The following TENM4 variants were observed in gnomAD, a reference collection of about 807,000 sequenced individuals.
TENM4 encodes the protein teneurin-4.
In TENM4, 82 loss-of-function variants were observed where a neutral mutation model predicts 243.3. That is an observed-to-expected ratio of 0.34 (90% CI 0.28 to 0.40). TENM4 has a LOEUF of 0.40. Among genes scored for constraint, TENM4 ranks in the 10% least tolerant of loss-of-function variants. TENM4 has a pLI of 1.00. For synonymous variants in TENM4, 1,412 were observed against 1,456.3 expected (o/e 0.97, Z 0.69); for missense variants, 3,138 against 3,673.3 (o/e 0.85, Z 3.77).
intron 6 of TENM4, among the ~76,000 whole-genome samples, chr11:78,975,404 C>T (rs1295009152): frequency 6.6e-6 from 1 of 152,070 alleles, no homozygotes; most frequent in African/African-American, 2.4e-5. Flanking sequence ...TTATCTCTGA[C>T]TGTCAAAATC....
intron 27 of TENM4, among the ~76,000 whole-genome samples, chr11:78,707,586 C>T (rs765734558): frequency 6.6e-6 from 1 of 152,272 alleles, no homozygotes; most frequent in Admixed American, 6.5e-5. Flanking sequence ...TCATTAACAT[C>T]TTTGTGCCTT....
At chr11:78,730,138 G>A (rs1304689371) in intron 21 of TENM4, among the ~76,000 whole-genome samples, 1 of 152,220 alleles carries the variant, frequency 6.6e-6, no homozygotes, top group Non-Finnish European at 1.5e-5. Context: ...GGCTTTGTGT[G>A]AGGACTGAGA....
intron 3 of TENM4, among the ~76,000 whole-genome samples, chr11:79,196,566 C>T (rs1304674412): frequency 6.6e-6 from 1 of 152,122 alleles, no homozygotes; most frequent in Non-Finnish European, 1.5e-5. Context: ...CAGCCCCCGG[C>T]TGGTGCTGTT....
chr11:78,956,675 C>T (rs150801441), intron 6 of TENM4, among the ~76,000 whole-genome samples: 1 of 152,266 alleles, frequency 6.6e-6, no homozygotes, highest in African/African-American at 2.4e-5. Flanking sequence ...TAAGAAGACA[C>T]AATTCAGGAT....
intron 1 of TENM4, among the ~76,000 whole-genome samples, chr11:79,353,376 CT>C (rs1439438416): frequency 2.0e-5 from 3 of 152,190 alleles, no homozygotes; most frequent in Non-Finnish European, 4.4e-5. Flanking sequence ...AGACTACATC[CT>C]GATGGTCAAG....
chr11:78,871,819 C>T (rs1859137288), intron 9 of TENM4, among the ~76,000 whole-genome samples: 1 of 151,904 alleles, frequency 6.6e-6, no homozygotes, highest in South Asian at 2.1e-4. Flanking sequence ...GTCATCTCTG[C>T]CCCCCCAGAA....
intron 6 of TENM4, among the ~76,000 whole-genome samples, chr11:78,950,871 C>T (rs1857095731): frequency 1.3e-5 from 2 of 152,348 alleles, no homozygotes; most frequent in South Asian, 2.1e-4. Context: ...AGCTCTTCTG[C>T]TCTAGAGCCT....
intron 6 of TENM4, among the ~76,000 whole-genome samples, chr11:79,057,886 C>A (rs1170759515): frequency 6.6e-6 from 1 of 152,192 alleles, no homozygotes; most frequent in African/African-American, 2.4e-5. Context: ...TAGAATGTCC[C>A]CTCTTACCCC....
At chr11:78,932,931 C>T (rs144296389) in intron 6 of TENM4, among the ~76,000 whole-genome samples, 2,082 of 152,268 alleles carry the variant, frequency 0.014, 28 homozygotes, top group Non-Finnish European at 0.021. Flanking sequence ...GGCCACGGTC[C>T]GGTACAGGTT....
chr11:78,776,684 A>G (rs1856746338), intron 17 of TENM4, among the ~76,000 whole-genome samples: 1 of 152,134 alleles, frequency 6.6e-6, no homozygotes, highest in African/African-American at 2.4e-5. Context: ...TCAGACCTTG[A>G]TTTTGCCAAG....
At chr11:79,137,738 C>T (rs936166902) in intron 4 of TENM4, among the ~76,000 whole-genome samples, 3 of 152,104 alleles carry the variant, frequency 2.0e-5, no homozygotes, top group Admixed American at 6.6e-5. Context: ...ATTAACTTCA[C>T]GTCAACATTT....
intron 4 of TENM4, among the ~76,000 whole-genome samples, chr11:79,129,637 C>T (rs1565215539): frequency 6.6e-6 from 1 of 152,066 alleles, no homozygotes; most frequent in Non-Finnish European, 1.5e-5. Flanking sequence ...TGACAACTTG[C>T]ATGGCTCAGC....
intron 6 of TENM4, among the ~76,000 whole-genome samples, chr11:79,055,078 G>A (rs1859907956): frequency 1.3e-5 from 2 of 148,516 alleles, no homozygotes; most frequent in Admixed American, 1.4e-4. Context: ...AGTGAGCCAA[G>A]ATCGCGCCAC....
chr11:78,713,559 C>T (rs1284181227), intron 25 of TENM4, among the ~76,000 whole-genome samples: 3 of 152,248 alleles, frequency 2.0e-5, no homozygotes, highest in East Asian at 1.9e-4. Flanking sequence ...AGTCTAGCTC[C>T]GTAATTTCCT....
chr11:79,291,469 A>C (rs1037132960), intron 2 of TENM4, among the ~76,000 whole-genome samples: 2 of 152,166 alleles, frequency 1.3e-5, no homozygotes, highest in Non-Finnish European at 2.9e-5. Flanking sequence ...CCAGCCAAAC[A>C]TCCACCCTAG....
intron 3 of TENM4, among the ~76,000 whole-genome samples, chr11:79,181,556 C>T (rs570374874): frequency 3.3e-4 from 50 of 151,954 alleles, no homozygotes; most frequent in Non-Finnish European, 5.3e-4. Flanking sequence ...TCCCTTCACA[C>T]CACTACTTTT....
chr11:78,962,890 AG>A (rs1456672371), intron 6 of TENM4, among the ~76,000 whole-genome samples: 1 of 152,264 alleles, frequency 6.6e-6, no homozygotes, highest in African/African-American at 2.4e-5. Flanking sequence ...GAATGATTCA[AG>A]GCTTCACCTT....
intron 6 of TENM4, among the ~76,000 whole-genome samples, chr11:78,986,603 C>T (rs1032206943): frequency 5.9e-5 from 9 of 152,156 alleles, no homozygotes; most frequent in African/African-American, 1.7e-4. Flanking sequence ...CTCGCTCTGT[C>T]GTCCGCCTAG....
At chr11:78,987,647 C>A (rs1182770925) in intron 6 of TENM4, among the ~76,000 whole-genome samples, 3 of 152,106 alleles carry the variant, frequency 2.0e-5, no homozygotes, top group African/African-American at 7.2e-5. Flanking sequence ...CCTTGAAATT[C>A]TTAAGGGAGG....
Sources: gnomAD v4.1 joint callset for allele counts (sites outside exome capture counted in the v4.1 genomes callset) on GRCh38, gnomAD v4.1.1 for gene constraint, MANE v1.5 for transcripts, NCBI Gene and HGNC (gene_info 2026-07-23, HGNC 2026-07-21) for gene names.